NOX4: variants seen among roughly 807,000 people sequenced by gnomAD.
NOX4 encodes kidney oxidase-1.
In NOX4, 69 loss-of-function variants were observed where a neutral mutation model predicts 87.6. That is an observed-to-expected ratio of 0.79 (90% CI 0.65 to 0.96). The LOEUF is 0.96. Ranked by LOEUF, NOX4 falls within the 40% of genes least tolerant of loss-of-function variation. The pLI is 0.00. For missense variants in NOX4, 680 were observed against 681.5 expected, an observed-to-expected ratio of 1.00 and a Z score of 0.02; for synonymous variants, 275 against 238.2, an observed-to-expected ratio of 1.15 and a Z score of -1.42.
At chr11:89,554,777 T>A in the NOX4 span, among the ~76,000 whole-genome samples, 1 of 152,240 alleles carries the variant, frequency 6.6e-6, no homozygotes, top group South Asian at 2.1e-4. Flanking sequence ...ATTACATTTT[T>A]AAAAACCAAT....
chr11:89,584,498 T>A, the NOX4 span, among the ~76,000 whole-genome samples: 1 of 152,208 alleles, frequency 6.6e-6, no homozygotes, highest in African/African-American at 2.4e-5. Context: ...AAGTGTGTGG[T>A]AAATAAATTT....
At position 89,367,774 on chromosome 11, in the gene NOX4, C is replaced by T. The variant is rs111564965; in HGVS notation, c.1135+5658G>A. 2.0e-3 allele frequency among the ~76,000 whole-genome samples: 306 copies of T among 152,062 alleles called. 3 individuals carry two copies. Among genetic ancestry groups the T allele is most frequent in the African/African-American group, 6.8e-3 (282 of 41,478 alleles). ...TATTTCACCAGCATCTTTTGGGAAA[C>T]GACCAAGTTTCATAGCAAGATCTAC... On this transcript the variant is annotated intron_variant, in intron 12 of 17. Coordinates refer to ENST00000263317, the MANE Select transcript of NOX4 (RefSeq NM_016931.5).
intron 11 of NOX4, among the ~76,000 whole-genome samples, chr11:89,393,919 T>C (rs317155): frequency 0.56 from 85,398 of 151,990 alleles, 25,765 homozygotes; most frequent in African/African-American, 0.78. Flanking sequence ...CCTTTCTCAG[T>C]CGTCTTCTAC....
chr11:89,497,176 C>A (rs1446658264), upstream of NOX4, among the ~76,000 whole-genome samples: 1 of 152,172 alleles, frequency 6.6e-6, no homozygotes, highest in East Asian at 1.9e-4. Flanking sequence ...TGCACACTCT[C>A]CAAAGACTGT....
At chr11:89,479,445 T>A (rs1289831147) in intron 2 of NOX4, among the ~76,000 whole-genome samples, 1 of 152,162 alleles carries the variant, frequency 6.6e-6, no homozygotes, top group Non-Finnish European at 1.5e-5. Context: ...TTCCATATAA[T>A]CTTTTCTTTA....
intron 11 of NOX4, among the ~76,000 whole-genome samples, chr11:89,381,998 G>A (rs920147861): frequency 1.4e-4 from 22 of 152,218 alleles, no homozygotes; most frequent in African/African-American, 4.6e-4. Flanking sequence ...CACCAGTCAC[G>A]GACTCGGCAA....
the NOX4 span, chr11:89,545,774 C>T: frequency 6.7e-6 from 1 of 150,048 alleles, no homozygotes; most frequent in African/African-American, 2.4e-5. Flanking sequence ...ATTCCATTGT[C>T]ATGATGAAAA....
At chr11:89,432,280 C>A (rs1019735824) in intron 7 of NOX4, among the ~76,000 whole-genome samples, 2 of 151,820 alleles carry the variant, frequency 1.3e-5, no homozygotes, top group Non-Finnish European at 2.9e-5. Context: ...GGCACACCAA[C>A]ATGGCACATG....
intron 2 of NOX4, among the ~76,000 whole-genome samples, chr11:89,461,867 AG>A (rs1945484455): frequency 6.6e-6 from 1 of 152,024 alleles, no homozygotes; most frequent in Non-Finnish European, 1.5e-5. Context: ...CCATCTGCCA[AG>A]AGAGAACATA....
intron 12 of NOX4, among the ~76,000 whole-genome samples, chr11:89,362,535 A>T (rs1208252747): frequency 6.6e-6 from 1 of 151,926 alleles, no homozygotes; most frequent in African/African-American, 2.4e-5. Flanking sequence ...TTTTATCTAT[A>T]TCTTGTTTGA....
In NOX4 at chr11:89,399,372, A is replaced by G. The variant is rs571797324; in HGVS notation, c.1074+645T>C. ...CTCCAAAGAAAATTGTGCATATATA[A>G]GATTTCCATATACATTAAAATACTC... is the stretch of plus-strand genomic sequence containing the variant. On this transcript the variant is annotated intron_variant, in intron 11 of 17. Transcript: ENST00000263317. Among the ~76,000 whole-genome samples, 6 of 147,754 alleles carry G rather than the reference A, an allele frequency of 4.1e-5. No individual in the cohort carries two copies. In the South Asian group the frequency reaches 1.3e-3, roughly 31 times the overall value.
chr11:89,525,982 C>A, the NOX4 span, among the ~76,000 whole-genome samples: 1 of 152,072 alleles, frequency 6.6e-6, no homozygotes, highest in Non-Finnish European at 1.5e-5. Flanking sequence ...TTTCTCCATT[C>A]AGTTACATTT....
At chr11:89,556,243 T>C in the NOX4 span, among the ~76,000 whole-genome samples, 3 of 151,962 alleles carry the variant, frequency 2.0e-5, no homozygotes, top group Non-Finnish European at 4.4e-5. Context: ...GGAAACATAA[T>C]AGAGGTTCTG....
chr11:89,513,833 C>G, the NOX4 span, among the ~76,000 whole-genome samples: 4 of 151,978 alleles, frequency 2.6e-5, no homozygotes, highest in African/African-American at 9.7e-5. Context: ...TAACATAAAT[C>G]CATGTCTCTT....
At chr11:89,514,479 T>G in the NOX4 span, among the ~76,000 whole-genome samples, 1 of 152,046 alleles carries the variant, frequency 6.6e-6, no homozygotes, top group Non-Finnish European at 1.5e-5. Context: ...TTTGTATTTC[T>G]TTATAATTTT....
chr11:89,511,849 A>G, the NOX4 span, among the ~76,000 whole-genome samples: 6 of 152,064 alleles, frequency 3.9e-5, no homozygotes, highest in African/African-American at 1.4e-4. Context: ...CATACCTCAC[A>G]CAATACTTGT....
chr11:89,544,562 A>T, the NOX4 span, among the ~76,000 whole-genome samples: 1 of 151,982 alleles, frequency 6.6e-6, no homozygotes, highest in Non-Finnish European at 1.5e-5. Flanking sequence ...TACTGACAAT[A>T]ATAACATAGT....
the NOX4 span, among the ~76,000 whole-genome samples, chr11:89,523,481 T>C: frequency 1.3e-5 from 2 of 152,204 alleles, no homozygotes; most frequent in African/African-American, 2.4e-5. Flanking sequence ...AAAGCTGCCA[T>C]CTAAATGACC....
chr11:89,551,164 C>A, the NOX4 span, among the ~76,000 whole-genome samples: 1 of 152,142 alleles, frequency 6.6e-6, no homozygotes, highest in African/African-American at 2.4e-5. Flanking sequence ...GGTACCCATA[C>A]CATTCTGTTT....
Sources: allele counts gnomAD v4.1 joint callset (sites outside exome capture counted in the v4.1 genomes callset), GRCh38; gene constraint gnomAD v4.1.1; transcripts MANE v1.5; gene names NCBI Gene and HGNC (gene_info 2026-07-23, HGNC 2026-07-21).